TENM2: variants seen among roughly 807,000 people sequenced by gnomAD.
TENM2 encodes the protein teneurin transmembrane protein 2.
A neutral mutation model predicts 245.2 loss-of-function variants in TENM2; 52 were observed. The observed-to-expected ratio is 0.21, with a 90% CI of 0.17 to 0.27. TENM2 has a LOEUF of 0.27. Ranked by LOEUF, TENM2 falls within the 10% of genes least tolerant of loss-of-function variation. TENM2 has a pLI of 1.00. For synonymous variants in TENM2, 1,363 were observed against 1,438.9 expected, an observed-to-expected ratio of 0.95 and a Z score of 1.19; for missense variants, 3,046 against 3,666.8, an observed-to-expected ratio of 0.83 and a Z score of 4.37.
chr5:167,673,038 G>T (rs893492074), intron 2 of TENM2, among the ~76,000 whole-genome samples: 3 of 151,566 alleles, frequency 2.0e-5, no homozygotes, highest in African/African-American at 7.3e-5. Flanking sequence ...AATTCCAAAA[G>T]ATTCCAATAT....
At chr5:167,659,076 C>T (rs1370569084) in intron 2 of TENM2, among the ~76,000 whole-genome samples, 1 of 152,060 alleles carries the variant, frequency 6.6e-6, no homozygotes, top group East Asian at 1.9e-4. Flanking sequence ...AAAATAACAC[C>T]CACAGAATGT....
At chr5:167,769,955 A>G (rs1316630777) in intron 2 of TENM2, among the ~76,000 whole-genome samples, 1 of 152,146 alleles carries the variant, frequency 6.6e-6, no homozygotes, top group African/African-American at 2.4e-5. Flanking sequence ...CACTAAATTC[A>G]CAATTGTATG....
intron 2 of TENM2, among the ~76,000 whole-genome samples, chr5:167,453,657 G>A (rs1237971788): frequency 6.6e-6 from 1 of 152,124 alleles, no homozygotes; most frequent in East Asian, 1.9e-4. Flanking sequence ...ATAGTCCAGG[G>A]AGAGAACAGG....
chr5:167,640,903 A>ATATATATC (rs1779564521), intron 2 of TENM2, among the ~76,000 whole-genome samples: 2 of 95,544 alleles, frequency 2.1e-5, no homozygotes, highest in Non-Finnish European at 4.3e-5. Flanking sequence ...ATATATATAT[A>ATATATATC]TATCTTTCTC....
In TENM2 at chr5:168,218,864, C is replaced by T. The variant is rs1204612360; in HGVS notation, c.4973C>T (p.Thr1658Ile). ...CTCATGCCTGACAACCAGATCATCA[C>T]CCTCACCGTGGGCACCAATGGAGGC... Residue 1658 changes from threonine to isoleucine, a missense_variant, in exon 23 of 29, where the codon ACC becomes ATC. Transcript: ENST00000518659. The surrounding 1 kb of genome is among the most constrained non-coding windows in gnomAD (Gnocchi z 5.2). The T allele has an allele frequency of 6.2e-7, 1 of 1,613,876 alleles. No homozygotes were observed. The highest frequency in any genetic ancestry group is 1.1e-5 in the South Asian group (1 of 91,078).
At chr5:167,236,508 G>T in the TENM2 span, among the ~76,000 whole-genome samples, 1 of 152,158 alleles carries the variant, frequency 6.6e-6, no homozygotes, top group African/African-American at 2.4e-5. Flanking sequence ...GTGTTCTCAG[G>T]CAACTTGGAT....
At chr5:167,484,407 A>G (rs566198053) in intron 2 of TENM2, among the ~76,000 whole-genome samples, 1 of 152,242 alleles carries the variant, frequency 6.6e-6, no homozygotes, top group South Asian at 2.1e-4. Context: ...AGCGCTGTGC[A>G]TGAAAGAAGG....
chr5:167,604,633 G>A (rs887565746), intron 2 of TENM2, among the ~76,000 whole-genome samples: 1 of 152,160 alleles, frequency 6.6e-6, no homozygotes, highest in Non-Finnish European at 1.5e-5. Flanking sequence ...GAAAGAGTAT[G>A]TTTCTGATAC....
chr5:167,198,102 C>T, the TENM2 span, among the ~76,000 whole-genome samples: 2 of 151,894 alleles, frequency 1.3e-5, no homozygotes, highest in Non-Finnish European at 2.9e-5. Context: ...TGCCCAGGGA[C>T]AGAGCAGGGA....
chr5:167,488,318 T>C (rs1415925806), intron 2 of TENM2, among the ~76,000 whole-genome samples: 1 of 152,192 alleles, frequency 6.6e-6, no homozygotes, highest in African/African-American at 2.4e-5. Context: ...TCACTGTCTC[T>C]TGAAACACAC....
chr5:167,268,609 A>G, the TENM2 span, among the ~76,000 whole-genome samples: 652 of 152,294 alleles, frequency 4.3e-3, 7 homozygotes, highest in Non-Finnish European at 7.9e-3. Context: ...TATGTACATA[A>G]TAGCAGAGGT....
chr5:167,183,027 T>C, the TENM2 span, among the ~76,000 whole-genome samples: 1 of 152,210 alleles, frequency 6.6e-6, no homozygotes. Flanking sequence ...TATGTTCTCC[T>C]GCCTCTTTCC....
intron 2 of TENM2, among the ~76,000 whole-genome samples, chr5:167,773,615 C>T (rs1763544276): frequency 6.6e-6 from 1 of 152,064 alleles, no homozygotes; most frequent in Non-Finnish European, 1.5e-5. Context: ...GTTGTTCTTT[C>T]CTGTCCTGCT....
chr5:167,758,433 A>T (rs1762446555), intron 2 of TENM2, among the ~76,000 whole-genome samples: 2 of 152,144 alleles, frequency 1.3e-5, no homozygotes, highest in African/African-American at 4.8e-5. Context: ...AAGGTGGAAG[A>T]GAGAGAGGCA....
At chr5:167,350,645 C>A (rs996675107) in intron 1 of TENM2, among the ~76,000 whole-genome samples, 2 of 132,748 alleles carry the variant, frequency 1.5e-5, no homozygotes, top group African/African-American at 5.8e-5. Flanking sequence ...ATATGGGATA[C>A]GTATATGGAT....
rs73382912 is a variant in TENM2, at chr5:167,602,362, G to A, written c.502+226889G>A. ...GAAACCCACTGCTGGCCATCTGCAA[G>A]ACAGAACGATGACGTGTGTGTGTCA... On this transcript the variant is annotated intron_variant, in intron 2 of 28. Transcript: ENST00000518659. Among the ~76,000 whole-genome samples, 323 of 152,248 alleles carry A rather than the reference G, an allele frequency of 2.1e-3. 1 individual carries two copies. Among genetic ancestry groups the A allele is most frequent in the African/African-American group, 7.3e-3 (305 of 41,546 alleles).
the TENM2 span, among the ~76,000 whole-genome samples, chr5:166,989,370 C>T: frequency 6.7e-6 from 1 of 149,372 alleles, no homozygotes; most frequent in East Asian, 2.0e-4. Flanking sequence ...AGTGATTCTC[C>T]TGCCTCAGCT....
intron 12 of TENM2, among the ~76,000 whole-genome samples, chr5:168,155,915 A>G (rs1329274253): frequency 1.7e-4 from 21 of 121,234 alleles, no homozygotes; most frequent in Admixed American, 1.7e-3. Flanking sequence ...AAAAAAAAAA[A>G]AAAAAAAAAT....
intron 13 of TENM2, among the ~76,000 whole-genome samples, chr5:168,185,937 T>TTTGA (rs1186710230): frequency 1.6e-4 from 1 of 6,178 alleles, no homozygotes; most frequent in African/African-American, 1.3e-3. Flanking sequence ...TATATATATA[T>TTTGA]ATATATATAT....
Sources: allele counts gnomAD v4.1 joint callset (sites outside exome capture counted in the v4.1 genomes callset), GRCh38; gene constraint gnomAD v4.1.1; non-coding constraint Gnocchi (gnomAD v3.1); transcripts MANE v1.5; gene names NCBI Gene and HGNC (gene_info 2026-07-23, HGNC 2026-07-21).